The following CCDC7 variants were observed in gnomAD, a reference collection of about 807,000 sequenced individuals.
CCDC7 encodes the protein coiled-coil domain containing 7.
CCDC7 carries 183 observed loss-of-function variants against 196.9 expected under a neutral mutation model. The observed-to-expected ratio is 0.93, with a 90% CI of 0.82 to 1.05. The LOEUF is 1.05. Among genes scored for constraint, CCDC7 ranks in the 50% least tolerant of loss-of-function variants. The probability of loss-of-function intolerance (pLI) is 0.00; values close to 1 mark genes in which losing one functional copy is unlikely to be tolerated. For missense variants in CCDC7, 1,540 were observed against 1,482.2 expected, an observed-to-expected ratio of 1.04 and a Z score of -0.64; for synonymous variants, 525 against 484.6, an observed-to-expected ratio of 1.08 and a Z score of -1.10.
intron 18 of CCDC7, among the ~76,000 whole-genome samples, chr10:32,615,140 A>G (rs1266521538): frequency 6.6e-6 from 1 of 152,172 alleles, no homozygotes; most frequent in Admixed American, 6.6e-5. Flanking sequence ...TAGGGTAAAC[A>G]TACAAGTGCA....
chr10:32,622,422 G>A (rs976632895), intron 18 of CCDC7, among the ~76,000 whole-genome samples: 5 of 151,864 alleles, frequency 3.3e-5, no homozygotes, highest in African/African-American at 1.2e-4. Flanking sequence ...TCCTGCTTGG[G>A]CAGCAATTTA....
rs968205321 is a variant in CCDC7, at chr10:32,559,334, C to A, written c.1135-6224C>A. Reference sequence around the variant, plus strand: ...GAAGAGAGCAGTGGTTCTCCCAGCACGCAGCTGGAGATCTGAGAACGGACA... The same window carrying A: ...GAAGAGAGCAGTGGTTCTCCCAGCAAGCAGCTGGAGATCTGAGAACGGACA... On this transcript the variant is annotated intron_variant, in intron 13 of 41. Transcript: ENST00000639629. Among the ~76,000 whole-genome samples, 4 of 152,148 alleles carry A rather than the reference C, an allele frequency of 2.6e-5. No homozygotes were observed. In the South Asian group the frequency reaches 8.3e-4, roughly 31 times the overall value.
chr10:32,484,033 A>G (rs1309470734), intron 8 of CCDC7, among the ~76,000 whole-genome samples: 5 of 152,334 alleles, frequency 3.3e-5, no homozygotes, highest in African/African-American at 1.2e-4. Context: ...TTCTATGAAG[A>G]AAGTCATTGG....
At chr10:32,832,120 T>C (rs752968768) in intron 32 of CCDC7, among the ~76,000 whole-genome samples, 1 of 152,138 alleles carries the variant, frequency 6.6e-6, no homozygotes, top group Non-Finnish European at 1.5e-5. Context: ...TTATATGTAG[T>C]CTAAACATCA....
chr10:32,689,256 G>T, intron 23 of CCDC7, 93 bp downstream of exon 24: 1 of 765,836 alleles, frequency 1.3e-6, no homozygotes, highest in Non-Finnish European at 2.1e-6. Flanking sequence ...TTTACACTTT[G>T]ACTAAAATGT....
intron 41 of CCDC7, among the ~76,000 whole-genome samples, chr10:32,873,364 G>A (rs1296789377): frequency 4.6e-5 from 7 of 151,840 alleles, no homozygotes; most frequent in African/African-American, 9.7e-5. Flanking sequence ...CATAGTTCTC[G>A]TGCCATGGTT....
In CCDC7 at chr10:32,571,844, T is replaced by C; in HGVS notation, c.1420-15T>C. 1 of 1,546,532 alleles carries C rather than the reference T, an allele frequency of 6.5e-7. No homozygotes were observed. Among genetic ancestry groups the C allele is most frequent in the Admixed American group, 2.1e-5 (1 of 47,064 alleles). Reference sequence around the variant, plus strand: ...ATACTTGATATTTTTAAATGTAGTATTATCTTTATCACAGATCACTGCCCA... The same window carrying C: ...ATACTTGATATTTTTAAATGTAGTACTATCTTTATCACAGATCACTGCCCA... On this transcript the variant is annotated splice_polypyrimidine_tract_variant and intron_variant, in intron 15 of 41. Transcript: ENST00000639629.
chr10:32,687,510 T>C (rs930053359), intron 22 of CCDC7, among the ~76,000 whole-genome samples: 1 of 152,118 alleles, frequency 6.6e-6, no homozygotes, highest in Admixed American at 6.5e-5. Context: ...CCACCCATAG[T>C]TGTGTTTGGG....
chr10:32,819,428 C>T (rs1394879437), intron 31 of CCDC7, among the ~76,000 whole-genome samples: 1 of 151,994 alleles, frequency 6.6e-6, no homozygotes, highest in East Asian at 1.9e-4. Flanking sequence ...CTATTCCAAC[C>T]AATAGAAAAA....
intron 15 of CCDC7, among the ~76,000 whole-genome samples, chr10:32,569,154 C>T (rs2057255008): frequency 6.6e-6 from 1 of 152,060 alleles, no homozygotes; most frequent in Non-Finnish European, 1.5e-5. Flanking sequence ...TCTAGCTTAA[C>T]ATTCATTAAT....
At chr10:32,821,245 A>T (rs1233300098) in intron 31 of CCDC7, among the ~76,000 whole-genome samples, 1 of 152,244 alleles carries the variant, frequency 6.6e-6, no homozygotes, top group African/African-American at 2.4e-5. Context: ...AGAAATGCAA[A>T]TCAAAACCAC....
intron 27 of CCDC7, 55 bp from the exon 29 acceptor site, chr10:32,729,277 A>T: frequency 6.8e-7 from 1 of 1,462,558 alleles, no homozygotes; most frequent in Non-Finnish European, 9.2e-7. Context: ...TGAAATTCTG[A>T]TGATTACTTG....
chr10:32,603,310 C>T (rs1029032061), intron 18 of CCDC7, among the ~76,000 whole-genome samples: 1 of 152,038 alleles, frequency 6.6e-6, no homozygotes, highest in Non-Finnish European at 1.5e-5. Flanking sequence ...AATAGTATTC[C>T]ATTGTGGATA....
At chr10:32,848,464 C>A (rs778513610) in intron 38 of CCDC7, 132 bp from the exon 40 acceptor site, 1 of 635,026 alleles carries the variant, frequency 1.6e-6, no homozygotes, top group Non-Finnish European at 2.7e-6. Context: ...AAGTAATAAA[C>A]AAGTGGCCAT....
At chr10:32,514,965 C>T (rs1315842229) in intron 9 of CCDC7, among the ~76,000 whole-genome samples, 2 of 152,176 alleles carry the variant, frequency 1.3e-5, no homozygotes, top group Non-Finnish European at 2.9e-5. Context: ...GCTAGGACTA[C>T]AGGCATGAAC....
At chr10:32,564,691 A>T (rs2056461970) in intron 13 of CCDC7, among the ~76,000 whole-genome samples, 1 of 152,054 alleles carries the variant, frequency 6.6e-6, no homozygotes, top group African/African-American at 2.4e-5. Flanking sequence ...TAGGAGATAT[A>T]CCTAATGCTA....
intron 18 of CCDC7, among the ~76,000 whole-genome samples, chr10:32,624,409 A>C (rs1487216351): frequency 1.3e-5 from 2 of 152,170 alleles, no homozygotes; most frequent in Non-Finnish European, 2.9e-5. Context: ...AGTTCTACCA[A>C]ATGGCATGCT....
rs909927358 is a variant in CCDC7, at chr10:32,583,182, T to C, written c.1603T>C (p.Ser535Pro). Residue 535 changes from serine to proline, a missense_variant, in exon 17 of 42, where the codon TCA becomes CCA. Ser to Pro is a moderately conservative substitution (Grantham distance 74). Coordinates refer to ENST00000639629, the Ensembl canonical transcript of CCDC7. ...ATCTCCATCAGAGACCCATGATAAATCACTTACAACAGTATCATCCAGCAA... is the reference window on the plus strand; with the variant it reads ...ATCTCCATCAGAGACCCATGATAAACCACTTACAACAGTATCATCCAGCAA... The C allele has an allele frequency of 1.1e-5, 13 of 1,231,398 alleles. No homozygotes were observed. In the African/African-American group the frequency reaches 2.0e-4, roughly 19 times the overall value. 76.3% of individuals were successfully genotyped at this position (1,231,398 alleles called of 1,614,324 possible).
At chr10:32,757,067 A>G in intron 28 of CCDC7, among the ~76,000 whole-genome samples, 1 of 152,184 alleles carries the variant, frequency 6.6e-6, no homozygotes, top group Non-Finnish European at 1.5e-5. Flanking sequence ...CTAAATATAT[A>G]TGCACCCAAT....
Sources: allele counts gnomAD v4.1 joint callset (sites outside exome capture counted in the v4.1 genomes callset), GRCh38; gene constraint gnomAD v4.1.1; transcripts MANE v1.5; gene names NCBI Gene and HGNC (gene_info 2026-07-23, HGNC 2026-07-21).